The following ZBTB20 variants were observed in gnomAD, a reference collection of about 807,000 sequenced individuals.
ZBTB20 encodes zinc finger and BTB domain-containing protein 20.
A neutral mutation model predicts 56.9 loss-of-function variants in ZBTB20; 9 were observed. The ratio of observed to expected loss-of-function variants is 0.16; its 90% confidence interval spans 0.10 to 0.28. The LOEUF is 0.28. ZBTB20 is among the 10% of genes least tolerant of loss of function. The pLI is 1.00. For synonymous variants in ZBTB20, 417 were observed against 420.7 expected, an observed-to-expected ratio of 0.99 and a Z score of 0.11; for missense variants, 655 against 1,003.0, an observed-to-expected ratio of 0.65 and a Z score of 4.69.
chr3:114,434,982 A>G (rs1208113669), intron 7 of ZBTB20, among the ~76,000 whole-genome samples: 3 of 152,188 alleles, frequency 2.0e-5, no homozygotes, highest in African/African-American at 7.2e-5. Context: ...TGTCTCACCA[A>G]TGCTCACACA....
chr3:114,819,283 G>T (rs964036055), intron 4 of ZBTB20, among the ~76,000 whole-genome samples: 1 of 151,872 alleles, frequency 6.6e-6, no homozygotes, highest in African/African-American at 2.4e-5. Flanking sequence ...TACTAATACT[G>T]ATTTATAGGT....
intron 6 of ZBTB20, among the ~76,000 whole-genome samples, chr3:114,627,858 ATTC>A (rs1417329231): frequency 6.6e-6 from 1 of 152,124 alleles, no homozygotes; most frequent in African/African-American, 2.4e-5. Context: ...CAGATGCTGA[ATTC>A]TTCTATGTTC....
intron 5 of ZBTB20, among the ~76,000 whole-genome samples, chr3:114,701,579 T>C (rs1438484019): frequency 6.6e-6 from 1 of 152,168 alleles, no homozygotes; most frequent in Non-Finnish European, 1.5e-5. Context: ...CTGTGGCCCA[T>C]GTTTTATAGA....
At chr3:114,701,494 A>G (rs2063384039) in intron 5 of ZBTB20, among the ~76,000 whole-genome samples, 1 of 152,198 alleles carries the variant, frequency 6.6e-6, no homozygotes, top group African/African-American at 2.4e-5. Flanking sequence ...GGAAACTGGT[A>G]TTTACTGAGT....
At chr3:114,476,504 T>C (rs1156818080) in intron 7 of ZBTB20, among the ~76,000 whole-genome samples, 1 of 152,224 alleles carries the variant, frequency 6.6e-6, no homozygotes, top group African/African-American at 2.4e-5. Context: ...GGATGTCTAG[T>C]ATGAAGGTAC....
intron 3 of ZBTB20, among the ~76,000 whole-genome samples, chr3:114,906,287 T>C (rs1182217767): frequency 1.3e-5 from 2 of 151,854 alleles, no homozygotes; most frequent in Non-Finnish European, 2.9e-5. Context: ...AAAAAGTGTT[T>C]TCATTTGAAC....
intron 4 of ZBTB20, among the ~76,000 whole-genome samples, chr3:114,892,520 A>C (rs1204210844): frequency 6.6e-6 from 1 of 152,206 alleles, no homozygotes; most frequent in Non-Finnish European, 1.5e-5. Flanking sequence ...CCTAATCATG[A>C]AAAGGGATTT....
chr3:114,743,979 T>C (rs2066834218), intron 5 of ZBTB20, among the ~76,000 whole-genome samples: 1 of 152,142 alleles, frequency 6.6e-6, no homozygotes, highest in East Asian at 1.9e-4. Context: ...TGCAATTAGC[T>C]TGGAGTCAAA....
intron 6 of ZBTB20, among the ~76,000 whole-genome samples, chr3:114,602,999 T>C (rs1490241859): frequency 6.6e-6 from 1 of 152,038 alleles, no homozygotes; most frequent in African/African-American, 2.4e-5. Context: ...GGGCCATCTA[T>C]ATTCTATGCA....
At chr3:114,868,553 T>C (rs1015471120) in intron 4 of ZBTB20, among the ~76,000 whole-genome samples, 1 of 152,186 alleles carries the variant, frequency 6.6e-6, no homozygotes, top group Non-Finnish European at 1.5e-5. Flanking sequence ...ATACATATGA[T>C]TGCACAAATT....
At chr3:114,606,933 TA>T (rs989298492) in intron 6 of ZBTB20, among the ~76,000 whole-genome samples, 1 of 151,714 alleles carries the variant, frequency 6.6e-6, no homozygotes, top group African/African-American at 2.4e-5. Context: ...CCGTCTTTAC[TA>T]AAAAAATACA....
intron 2 of ZBTB20, among the ~76,000 whole-genome samples, chr3:115,036,261 G>C (rs921561326): frequency 3.3e-5 from 5 of 149,314 alleles, no homozygotes; most frequent in Admixed American, 1.3e-4. Context: ...CAATAAAAAA[G>C]TTGAAAAAAA....
chr3:114,671,762 T>C (rs936092686), intron 6 of ZBTB20, among the ~76,000 whole-genome samples: 3 of 152,116 alleles, frequency 2.0e-5, no homozygotes, highest in African/African-American at 7.2e-5. Context: ...CACAAAATGT[T>C]TCACTAAAAC....
chr3:114,778,188 G>A (rs1241664809), intron 5 of ZBTB20, among the ~76,000 whole-genome samples: 2 of 148,844 alleles, frequency 1.3e-5, no homozygotes, highest in South Asian at 2.1e-4. Context: ...TGGCACATGT[G>A]TACATATGTA....
intron 5 of ZBTB20, among the ~76,000 whole-genome samples, chr3:114,713,661 A>G (rs2064252795): frequency 6.6e-6 from 1 of 152,210 alleles, no homozygotes; most frequent in African/African-American, 2.4e-5. Context: ...AGAGATTACA[A>G]TGCCAGGCTT....
chr3:114,839,398 A>G (rs941718155), intron 4 of ZBTB20, among the ~76,000 whole-genome samples: 7 of 137,428 alleles, frequency 5.1e-5, no homozygotes, highest in African/African-American at 1.9e-4. Flanking sequence ...ACAGAGTGAG[A>G]GCCTGTCTGA....
Position 115,060,879 on chromosome 3 carries a change from T to C in ZBTB20, c.-507+10340A>G, listed in dbSNP as rs184861934. 1.1e-3 allele frequency among the ~76,000 whole-genome samples: 167 copies of C among 152,294 alleles called. 1 individual carries two copies. The highest frequency in any genetic ancestry group is 9.0e-3 in the Admixed American group (138 of 15,288). On this transcript the variant is annotated intron_variant, in intron 2 of 11. Transcript: ENST00000675478. The stretch of plus-strand genomic sequence containing the variant: ...GTAAAATAACACCTTGGTTTCTACA[T>C]GGTCACAAATAATCTATTCAATATT...
intron 7 of ZBTB20, among the ~76,000 whole-genome samples, chr3:114,417,151 T>C (rs2088643251): frequency 6.6e-6 from 1 of 152,120 alleles, no homozygotes; most frequent in Non-Finnish European, 1.5e-5. Flanking sequence ...GATTAACGAG[T>C]TCTTGTTTCT....
intron 3 of ZBTB20, among the ~76,000 whole-genome samples, chr3:114,951,442 C>T (rs1366723249): frequency 1.3e-5 from 2 of 152,022 alleles, no homozygotes; most frequent in Non-Finnish European, 2.9e-5. Context: ...AAATTCTGGG[C>T]TCATCTTTAG....
Sources: allele counts gnomAD v4.1 joint callset (sites outside exome capture counted in the v4.1 genomes callset), GRCh38; gene constraint gnomAD v4.1.1; transcripts MANE v1.5; gene names NCBI Gene and HGNC (gene_info 2026-07-23, HGNC 2026-07-21).